CPQ: variants seen among roughly 807,000 people sequenced by gnomAD.
CPQ encodes Ser-Met dipeptidase.
A neutral mutation model predicts 45.7 loss-of-function variants in CPQ; 37 were observed. The observed-to-expected ratio is 0.81, with a 90% CI of 0.62 to 1.07. The LOEUF is 1.07. Among genes scored for constraint, CPQ ranks in the 50% least tolerant of loss-of-function variants. The probability of loss-of-function intolerance (pLI) is 0.00; values close to 1 mark genes in which losing one functional copy is unlikely to be tolerated. For missense variants in CPQ, 537 were observed against 572.9 expected, an observed-to-expected ratio of 0.94 and a Z score of 0.64; for synonymous variants, 186 against 205.8, an observed-to-expected ratio of 0.90 and a Z score of 0.82.
At chr8:97,056,658 C>T (rs1810459875) in intron 6 of CPQ, 1 of 152,156 alleles carries the variant, frequency 6.6e-6, no homozygotes, top group African/African-American at 2.4e-5. Context: ...ACAGAACATG[C>T]TTATATTTAT....
intron 3 of CPQ, among the ~76,000 whole-genome samples, chr8:96,855,828 A>G (rs1199362671): frequency 6.6e-6 from 1 of 152,250 alleles, no homozygotes; most frequent in Admixed American, 6.5e-5. Flanking sequence ...GACAGGGGGA[A>G]GTTACACTAG....
chr8:96,792,900 A>G (rs568762792), intron 2 of CPQ, among the ~76,000 whole-genome samples: 3 of 152,264 alleles, frequency 2.0e-5, no homozygotes, highest in South Asian at 4.1e-4. Context: ...GAAAGTTACA[A>G]TCATGGCGGA....
At chr8:96,952,103 A>T (rs1429835433) in intron 4 of CPQ, among the ~76,000 whole-genome samples, 1 of 152,132 alleles carries the variant, frequency 6.6e-6, no homozygotes. Context: ...TATTGAAAGC[A>T]CCCATTATGC....
intron 5 of CPQ, among the ~76,000 whole-genome samples, chr8:96,995,301 C>T (rs1809159119): frequency 6.6e-6 from 1 of 151,960 alleles, no homozygotes; most frequent in Non-Finnish European, 1.5e-5. Context: ...CAAGAAATAT[C>T]ATTATAGTGA....
chr8:97,136,080 G>C (rs1339879078), intron 7 of CPQ, among the ~76,000 whole-genome samples: 1 of 152,150 alleles, frequency 6.6e-6, no homozygotes, highest in Non-Finnish European at 1.5e-5. Flanking sequence ...AATCTGCTGT[G>C]AACAGTATGG....
intron 1 of CPQ, among the ~76,000 whole-genome samples, chr8:96,667,801 G>T (rs2130717724): frequency 6.6e-6 from 1 of 152,234 alleles, no homozygotes; most frequent in African/African-American, 2.4e-5. Flanking sequence ...AAGTGTGTCT[G>T]AAGTCCTGTC....
chr8:96,698,915 A>C (rs1189093687), intron 1 of CPQ, among the ~76,000 whole-genome samples: 2 of 152,176 alleles, frequency 1.3e-5, no homozygotes, highest in African/African-American at 2.4e-5. Flanking sequence ...TATGGACAAC[A>C]GTTTGGAGTT....
intron 3 of CPQ, among the ~76,000 whole-genome samples, chr8:96,846,426 CT>C (rs1331311676): frequency 6.6e-6 from 1 of 152,130 alleles, no homozygotes; most frequent in Non-Finnish European, 1.5e-5. Flanking sequence ...CAGCTGATGT[CT>C]TTCCCATCTT....
At chr8:96,734,722 AAAATAAAATAAAAT>A (rs1362038494) in intron 1 of CPQ, among the ~76,000 whole-genome samples, 3 of 150,692 alleles carry the variant, frequency 2.0e-5, no homozygotes, top group South Asian at 2.1e-4. Context: ...AAAATAAAAT[AAAATAAAATAAAAT>A]AAATAAAATA....
chr8:96,729,843 A>G (rs534367737), intron 1 of CPQ, among the ~76,000 whole-genome samples: 2 of 149,026 alleles, frequency 1.3e-5, no homozygotes, highest in African/African-American at 4.9e-5. Flanking sequence ...TGAATTTCTT[A>G]TGTGTGTGTG....
Position 97,129,617 on chromosome 8 carries a change from G to A in CPQ, c.1256-13403G>A, listed in dbSNP as rs116532796. 7.7e-3 allele frequency among the ~76,000 whole-genome samples: 1,169 copies of A among 152,098 alleles called. 12 individuals carry two copies. Among genetic ancestry groups the A allele is most frequent in the African/African-American group, 0.027 (1,109 of 41,480 alleles). On this transcript the variant is annotated intron_variant, in intron 7 of 7. Transcript: ENST00000220763. ...TGCTATTTCCCAATCTCTGTACCACGCTCACAGCGAAACAGCCTGTGCCAT... is the reference window on the plus strand; with the variant it reads ...TGCTATTTCCCAATCTCTGTACCACACTCACAGCGAAACAGCCTGTGCCAT...
At chr8:96,767,962 G>T (rs1328265373) in intron 1 of CPQ, among the ~76,000 whole-genome samples, 1 of 151,854 alleles carries the variant, frequency 6.6e-6, no homozygotes, top group Non-Finnish European at 1.5e-5. Flanking sequence ...CTTTATACTA[G>T]TTCTTTCCTC....
At chr8:96,677,193 G>A (rs1809086813) in intron 1 of CPQ, among the ~76,000 whole-genome samples, 1 of 152,036 alleles carries the variant, frequency 6.6e-6, no homozygotes, top group Non-Finnish European at 1.5e-5. Context: ...ATATTCAGTA[G>A]CGGGATTGCT....
intron 1 of CPQ, among the ~76,000 whole-genome samples, chr8:96,743,865 A>G (rs1400790683): frequency 6.6e-6 from 1 of 152,220 alleles, no homozygotes. Flanking sequence ...TGGGAGAACC[A>G]CTGCTCTCTT....
intron 1 of CPQ, among the ~76,000 whole-genome samples, chr8:96,760,373 G>C (rs1172783232): frequency 1.3e-5 from 2 of 152,198 alleles, no homozygotes; most frequent in African/African-American, 4.8e-5. Flanking sequence ...CACAGGTTCA[G>C]AGAGGTAAAG....
intron 1 of CPQ, among the ~76,000 whole-genome samples, chr8:96,781,065 ATAT>A (rs1810679402): frequency 6.6e-6 from 1 of 152,108 alleles, no homozygotes; most frequent in African/African-American, 2.4e-5. Context: ...TGTGCTTCTC[ATAT>A]TATCTGTGGT....
At chr8:96,873,015 T>C (rs1050203775) in intron 3 of CPQ, among the ~76,000 whole-genome samples, 1 of 151,900 alleles carries the variant, frequency 6.6e-6, no homozygotes, top group South Asian at 2.1e-4. Context: ...TTTATTCCCC[T>C]TAACATTTTG....
intron 7 of CPQ, among the ~76,000 whole-genome samples, chr8:97,115,414 A>G (rs1001554496): frequency 2.0e-5 from 3 of 152,240 alleles, no homozygotes; most frequent in Non-Finnish European, 4.4e-5. Flanking sequence ...TGTGTTGCTC[A>G]GTTAGCAGAA....
At chr8:96,703,028 AATAG>A (rs1385666162) in intron 1 of CPQ, among the ~76,000 whole-genome samples, 1 of 152,180 alleles carries the variant, frequency 6.6e-6, no homozygotes, top group Admixed American at 6.5e-5. Flanking sequence ...TTAATGAATC[AATAG>A]ATAGATATTA....
Sources: gnomAD v4.1 joint callset for allele counts (sites outside exome capture counted in the v4.1 genomes callset) on GRCh38, gnomAD v4.1.1 for gene constraint, MANE v1.5 for transcripts, NCBI Gene and HGNC (gene_info 2026-07-23, HGNC 2026-07-21) for gene names.